Variants in PRKAR2B observed in about 807,000 individuals in gnomAD.
PRKAR2B encodes cAMP-dependent protein kinase type II-beta regulatory subunit.
A neutral mutation model predicts 49.9 loss-of-function variants in PRKAR2B; 14 were observed. That is an observed-to-expected ratio of 0.28 (90% CI 0.19 to 0.44). The LOEUF (loss-of-function observed/expected upper bound fraction) is 0.44. Among genes scored for constraint, PRKAR2B ranks in the 20% least tolerant of loss-of-function variants. The pLI is 1.00. For synonymous variants in PRKAR2B, 196 were observed against 197.7 expected (o/e 0.99, Z 0.07); for missense variants, 393 against 537.9 (o/e 0.73, Z 2.67).
At chr7:107,148,769 GTC>G (rs1562871718) in intron 6 of PRKAR2B, among the ~76,000 whole-genome samples, 1 of 152,158 alleles carries the variant, frequency 6.6e-6, no homozygotes, top group African/African-American at 2.4e-5. Context: ...TTGCAGAATA[GTC>G]TCACTCTGTA....
intron 1 of PRKAR2B, among the ~76,000 whole-genome samples, chr7:107,061,649 A>G (rs1794029153): frequency 6.6e-6 from 1 of 152,196 alleles, no homozygotes; most frequent in East Asian, 1.9e-4. Context: ...CATGCCTGTA[A>G]TCCCAGCACT....
At chr7:107,046,693 T>C (rs1322943290) in intron 1 of PRKAR2B, among the ~76,000 whole-genome samples, 2 of 152,136 alleles carry the variant, frequency 1.3e-5, no homozygotes, top group Non-Finnish European at 1.5e-5. Context: ...CAGCAGCCAG[T>C]AACGGATGAC....
chr7:107,096,959 TGTG>T (rs775242908), intron 2 of PRKAR2B, among the ~76,000 whole-genome samples: 1 of 152,224 alleles, frequency 6.6e-6, no homozygotes, highest in Non-Finnish European at 1.5e-5. Flanking sequence ...TTAAGTGTGA[TGTG>T]GTGCTGAGAA....
intron 2 of PRKAR2B, among the ~76,000 whole-genome samples, chr7:107,104,702 G>T (rs1285322532): frequency 6.6e-6 from 1 of 152,154 alleles, no homozygotes; most frequent in Non-Finnish European, 1.5e-5. Context: ...GGACAGTCCA[G>T]GTAAACTGAA....
intron 3 of PRKAR2B, among the ~76,000 whole-genome samples, chr7:107,126,885 G>C (rs923297524): frequency 4.6e-5 from 7 of 151,976 alleles, no homozygotes; most frequent in African/African-American, 1.7e-4. Flanking sequence ...ATGAATATTG[G>C]GCAGATAGTA....
At chr7:107,093,835 A>G (rs1794782561) in intron 2 of PRKAR2B, among the ~76,000 whole-genome samples, 1 of 152,198 alleles carries the variant, frequency 6.6e-6, no homozygotes, top group Non-Finnish European at 1.5e-5. Flanking sequence ...TACAAAGGGC[A>G]TGAACTCATC....
intron 2 of PRKAR2B, among the ~76,000 whole-genome samples, chr7:107,088,055 C>T (rs1466304405): frequency 3.3e-5 from 5 of 152,080 alleles, no homozygotes; most frequent in Admixed American, 6.6e-5. Flanking sequence ...TACAGTATGT[C>T]GTGTAATTCT....
intron 1 of PRKAR2B, among the ~76,000 whole-genome samples, chr7:107,062,295 A>G (rs533027234): frequency 2.0e-5 from 3 of 152,348 alleles, no homozygotes; most frequent in Admixed American, 6.5e-5. Flanking sequence ...TTCAATGAAT[A>G]TTACCAACAA....
intron 10 of PRKAR2B, 152 bp from the exon 11 acceptor site, chr7:107,159,297 T>C: frequency 1.1e-6 from 1 of 879,512 alleles, no homozygotes; most frequent in South Asian, 1.9e-5. Context: ...AAGTGGAACA[T>C]TTTTATCATT....
At chr7:107,050,386 C>T (rs1479542565) in intron 1 of PRKAR2B, among the ~76,000 whole-genome samples, 3 of 108,000 alleles carry the variant, frequency 2.8e-5, no homozygotes, top group Non-Finnish European at 5.0e-5. Flanking sequence ...AATTGATGTG[C>T]TGTGTCTGGG....
chr7:107,044,924 C>T lies in PRKAR2B; in HGVS notation c.17C>T (p.Pro6Leu). The change falls in exon 1 of 11, where the codon CCG becomes CTG. Residue 6 changes from proline to leucine, a missense_variant. Transcript: ENST00000265717. MSIEI[P>L]AGLTELLQGF... ...GGAGGCAGGATGAGCATCGAGATCC[C>T]GGCGGGACTGACGGAGCTGCTGCAG... is the stretch of plus-strand genomic sequence containing the variant. 1 of 1,598,820 alleles carries T rather than the reference C, an allele frequency of 6.3e-7. No homozygotes were observed.
At chr7:107,071,437 A>C (rs1466128918) in intron 2 of PRKAR2B, among the ~76,000 whole-genome samples, 1 of 152,214 alleles carries the variant, frequency 6.6e-6, no homozygotes, top group African/African-American at 2.4e-5. Context: ...TGTAATCTCA[A>C]GGCGTGTTTA....
At chr7:107,097,057 G>T (rs1794853284) in intron 2 of PRKAR2B, among the ~76,000 whole-genome samples, 1 of 152,112 alleles carries the variant, frequency 6.6e-6, no homozygotes, top group Non-Finnish European at 1.5e-5. Flanking sequence ...TCAATTCCTG[G>T]ATATCTTTGT....
At chr7:107,154,515 A>C (rs988229105) in intron 8 of PRKAR2B, among the ~76,000 whole-genome samples, 1 of 152,252 alleles carries the variant, frequency 6.6e-6, no homozygotes, top group Admixed American at 6.5e-5. Flanking sequence ...AATAAGGGAA[A>C]GGAGATATGC....
At chr7:107,126,621 G>T (rs1795500942) in intron 3 of PRKAR2B, among the ~76,000 whole-genome samples, 1 of 152,076 alleles carries the variant, frequency 6.6e-6, no homozygotes, top group African/African-American at 2.4e-5. Flanking sequence ...TCCTTTCTGA[G>T]AACAGCTTCT....
In PRKAR2B at chr7:107,044,784, G is replaced by A; in HGVS notation, c.-124G>A. 1.7e-6 allele frequency: 1 copy of A among 591,472 alleles called. No homozygotes were observed. The highest frequency in any genetic ancestry group is 2.2e-6 in the Non-Finnish European group (1 of 450,694). 36.6% of individuals were successfully genotyped at this position (591,472 alleles called of 1,614,324 possible). A position where few individuals can be genotyped will look rare whatever the true frequency, so the allele number is the denominator to read the frequency against. ...GCCAGCCGGGCCGCCGGGGCCCAGT[G>A]CGCCGCGCTCGCAGCCGGTAGCGCG... On this transcript the variant is annotated 5_prime_UTR_variant, in exon 1 of 11. Coordinates refer to ENST00000265717, the MANE Select transcript of PRKAR2B (RefSeq NM_002736.3).
intron 7 of PRKAR2B, among the ~76,000 whole-genome samples, chr7:107,151,779 G>T (rs1017465991): frequency 6.6e-6 from 1 of 152,060 alleles, no homozygotes; most frequent in Non-Finnish European, 1.5e-5. Flanking sequence ...TCTGCCTGGC[G>T]TTGTACTGCA....
At chr7:107,050,038 G>C (rs1793771331) in intron 1 of PRKAR2B, among the ~76,000 whole-genome samples, 1 of 152,126 alleles carries the variant, frequency 6.6e-6, no homozygotes, top group African/African-American at 2.4e-5. Flanking sequence ...AGTAATAGTA[G>C]GTGGATTGCT....
chr7:107,146,480 T>A lies in PRKAR2B; in HGVS notation c.741+19T>A. ...GGGTTTGGTGAGTAAAATACTTATT[T>A]GACCTGAATGTTATGATTTGTAGCA... On this transcript the variant is annotated intron_variant, in intron 6 of 10. Coordinates refer to ENST00000265717, the MANE Select transcript of PRKAR2B (RefSeq NM_002736.3). 1 of 1,603,196 alleles carries A rather than the reference T, an allele frequency of 6.2e-7. No individual in the cohort carries two copies. The highest frequency in any genetic ancestry group is 8.5e-7 in the Non-Finnish European group (1 of 1,172,782).
Sources: gnomAD v4.1 joint callset for allele counts (sites outside exome capture counted in the v4.1 genomes callset) on GRCh38, gnomAD v4.1.1 for gene constraint, MANE v1.5 for transcripts, NCBI Gene and HGNC (gene_info 2026-07-23, HGNC 2026-07-21) for gene names.